ARHGAP42: variants seen among roughly 807,000 people sequenced by gnomAD.
The protein encoded by ARHGAP42 is Rho GTPase activating protein 42.
ARHGAP42 carries 63 observed loss-of-function variants against 125.0 expected under a neutral mutation model. The ratio of observed to expected loss-of-function variants is 0.50; its 90% CI spans 0.41 to 0.62. ARHGAP42 has a LOEUF of 0.62. Ranked by LOEUF, ARHGAP42 falls within the 20% of genes least tolerant of loss-of-function variation. The pLI is 0.00. For synonymous variants in ARHGAP42, 339 were observed against 351.0 expected (o/e 0.97, Z 0.38); for missense variants, 766 against 1,024.2 (o/e 0.75, Z 3.44).
intron 4 of ARHGAP42, among the ~76,000 whole-genome samples, chr11:100,862,975 T>A (rs1225525988): frequency 3.4e-5 from 5 of 149,236 alleles, no homozygotes; most frequent in African/African-American, 7.4e-5. Context: ...AGGCAGAGGT[T>A]GCAGTGAGCC....
chr11:100,904,257 T>TTC, intron 4 of ARHGAP42, among the ~76,000 whole-genome samples: 1 of 151,874 alleles, frequency 6.6e-6, no homozygotes, highest in East Asian at 1.9e-4. Context: ...CTTTTTTTTT[T>TTC]TTTTGAGATG....
At chr11:100,697,490 G>T (rs1861306924) in intron 1 of ARHGAP42, among the ~76,000 whole-genome samples, 1 of 152,310 alleles carries the variant, frequency 6.6e-6, no homozygotes, top group South Asian at 2.1e-4. Flanking sequence ...CCAATCAGTA[G>T]TGGAATTTCT....
Position 100,962,457 on chromosome 11 carries a change from C to T in ARHGAP42, c.1434C>T (p.Ile478=), listed in dbSNP as rs1324060857. The T allele has an allele frequency of 3.2e-6, 5 of 1,550,304 alleles. No homozygotes were observed. The East Asian group carries it at 9.8e-5, about 30-fold the overall frequency. Residue 478 remains isoleucine, a synonymous_variant, in exon 16 of 24, where the codon ATC becomes ATT. Coordinates refer to ENST00000298815, the MANE Select transcript of ARHGAP42 (RefSeq NM_152432.4). ...LMTYKLHKDF[I]IAVKSDDQNY... Reference sequence around the variant, plus strand: ...CTTACAAGTTGCACAAAGATTTTATCATTGCTGTTAGTAAGTATACTTGCA... The same window carrying T: ...CTTACAAGTTGCACAAAGATTTTATTATTGCTGTTAGTAAGTATACTTGCA...
intron 3 of ARHGAP42, among the ~76,000 whole-genome samples, chr11:100,797,401 G>C (rs1208777249): frequency 6.6e-6 from 1 of 152,172 alleles, no homozygotes; most frequent in Non-Finnish European, 1.5e-5. Context: ...TGACTCTCAT[G>C]TTAGGTACTA....
At chr11:100,849,223 C>T (rs1591235550) in intron 3 of ARHGAP42, among the ~76,000 whole-genome samples, 1 of 124,158 alleles carries the variant, frequency 8.1e-6, no homozygotes, top group Non-Finnish European at 1.7e-5. Flanking sequence ...ATTGACATAT[C>T]ACTCATTCTT....
chr11:100,816,243 G>T (rs1260690167), intron 3 of ARHGAP42, among the ~76,000 whole-genome samples: 2 of 152,006 alleles, frequency 1.3e-5, no homozygotes, highest in Non-Finnish European at 1.5e-5. Context: ...TTCTATAATG[G>T]CTGCACTGTT....
chr11:100,691,843 C>T, intron 1 of ARHGAP42, among the ~76,000 whole-genome samples: 1 of 152,114 alleles, frequency 6.6e-6, no homozygotes, highest in South Asian at 2.1e-4. Context: ...TTTAAGTGTT[C>T]TAACCACACA....
intron 1 of ARHGAP42, among the ~76,000 whole-genome samples, chr11:100,713,476 T>C (rs1003015123): frequency 6.6e-6 from 1 of 152,200 alleles, no homozygotes; most frequent in African/African-American, 2.4e-5. Context: ...TCTGAGGCTG[T>C]TTCCTCTATT....
chr11:100,948,329 T>G, intron 10 of ARHGAP42, 128 bp from the exon 11 acceptor site: 1 of 689,348 alleles, frequency 1.5e-6, no homozygotes, highest in Non-Finnish European at 2.3e-6. Context: ...AAAATTCCTA[T>G]GTTTTTCTCC....
chr11:100,879,381 A>G (rs904097035), intron 4 of ARHGAP42, among the ~76,000 whole-genome samples: 12 of 152,170 alleles, frequency 7.9e-5, no homozygotes, highest in Admixed American at 2.6e-4. Context: ...CTTAACTGTC[A>G]ATCAGTTCCT....
chr11:100,751,192 G>T (rs1031309250), intron 1 of ARHGAP42, among the ~76,000 whole-genome samples: 8 of 151,284 alleles, frequency 5.3e-5, no homozygotes, highest in African/African-American at 1.9e-4. Context: ...TCCTGCCTTC[G>T]CCTCCCAAAG....
intron 3 of ARHGAP42, among the ~76,000 whole-genome samples, chr11:100,832,358 A>G (rs187038946): frequency 2.0e-3 from 298 of 152,318 alleles, no homozygotes; most frequent in African/African-American, 6.8e-3. Flanking sequence ...TGGATCTCTG[A>G]TGATCTCTCT....
rs570224463 is a variant in ARHGAP42 at position 100,795,276 on chromosome 11, C to T, written c.312+110C>T. ...TTATACAAGGCCTTATGATTTGACA[C>T]GTCTACTAATTTTTACATGTATTTT... On this transcript the variant is annotated intron_variant, in intron 3 of 23. Coordinates refer to ENST00000298815, the MANE Select transcript of ARHGAP42 (RefSeq NM_152432.4). 4.0e-5 allele frequency: 26 copies of T among 657,834 alleles called. No individual in the cohort carries two copies. In the East Asian group the frequency reaches 4.8e-4, roughly 12 times the overall value. The allele number at this position is 657,834 out of a possible 1,614,324, so 40.7% of individuals were successfully genotyped here.
At chr11:100,721,210 C>CA (rs1861752399) in intron 1 of ARHGAP42, among the ~76,000 whole-genome samples, 1 of 152,144 alleles carries the variant, frequency 6.6e-6, no homozygotes. Flanking sequence ...TTTGCAGTCC[C>CA]ATGTAGAATA....
At chr11:100,706,501 C>A (rs957736537) in intron 1 of ARHGAP42, among the ~76,000 whole-genome samples, 9 of 151,952 alleles carry the variant, frequency 5.9e-5, no homozygotes, top group South Asian at 2.1e-4. Context: ...TGTAGACTTA[C>A]CAGAAAGAGG....
At chr11:100,779,845 G>A (rs183926634) in intron 2 of ARHGAP42, among the ~76,000 whole-genome samples, 3,428 of 151,580 alleles carry the variant, frequency 0.023, 44 homozygotes, top group Non-Finnish European at 0.033. Context: ...GGCCAACATG[G>A]TGAAACCCTG....
At chr11:100,710,538 G>GT (rs57891043) in intron 1 of ARHGAP42, among the ~76,000 whole-genome samples, 2,590 of 107,194 alleles carry the variant, frequency 0.024, 120 homozygotes, top group Middle Eastern at 0.053. Flanking sequence ...CCGGCCAGCA[G>GT]TTTTTTTTTT....
At chr11:100,950,532 A>G (rs1328285677) in intron 12 of ARHGAP42, among the ~76,000 whole-genome samples, 2 of 151,634 alleles carry the variant, frequency 1.3e-5, no homozygotes, top group Admixed American at 6.6e-5. Context: ...TACACATGGT[A>G]TATGTTGGAA....
chr11:100,687,780 G>A lies in ARHGAP42; in HGVS notation c.102G>A (p.Lys34=), dbSNP rs1393971209. The part of the protein sequence containing the change: ...CHEIELERTN[K]FIKELIKDGS... ...AGATTGAGCTGGAGCGAACCAACAA[G>A]TTCATCAAGGAGCTCATTAAGGACG... Residue 34 remains lysine, a synonymous_variant, in exon 1 of 24, where the codon AAG becomes AAA. Coordinates refer to ENST00000298815, the MANE Select transcript of ARHGAP42 (RefSeq NM_152432.4). 6.4e-7 allele frequency: 1 copy of A among 1,551,014 alleles called. No individual in the cohort carries two copies. Among genetic ancestry groups the A allele is most frequent in the East Asian group, 2.4e-5 (1 of 40,894 alleles).
Sources: gnomAD v4.1 joint callset for allele counts (sites outside exome capture counted in the v4.1 genomes callset) on GRCh38, gnomAD v4.1.1 for gene constraint, MANE v1.5 for transcripts, NCBI Gene and HGNC (gene_info 2026-07-23, HGNC 2026-07-21) for gene names.